CNBD1: variants seen among roughly 807,000 people sequenced by gnomAD.
CNBD1 encodes the protein cyclic nucleotide-binding domain-containing protein 1.
CNBD1 carries 71 observed loss-of-function variants against 54.4 expected under a neutral mutation model. The ratio of observed to expected loss-of-function variants is 1.30; its 90% confidence interval spans 1.08 to 1.59. The LOEUF is 1.59. CNBD1 is among the 40% of genes most tolerant of loss of function. CNBD1 has a pLI of 0.00. For synonymous variants in CNBD1, 182 were observed against 170.7 expected, an observed-to-expected ratio of 1.07 and a Z score of -0.51; for missense variants, 659 against 518.0, an observed-to-expected ratio of 1.27 and a Z score of -2.64.
intron 8 of CNBD1, among the ~76,000 whole-genome samples, chr8:87,332,076 T>TG (rs1487112667): frequency 6.6e-6 from 1 of 152,072 alleles, no homozygotes; most frequent in African/African-American, 2.4e-5. Context: ...GGCTGGGCGT[T>TG]GGGGCTCATA....
intron 1 of CNBD1, among the ~76,000 whole-genome samples, chr8:86,880,349 A>AC (rs1554627314): frequency 1.3e-5 from 2 of 151,918 alleles, no homozygotes; most frequent in East Asian, 1.9e-4. Flanking sequence ...ATAAAAAAAA[A>AC]CGTAATACTA....
chr8:87,266,414 G>A (rs1248029627), intron 6 of CNBD1, among the ~76,000 whole-genome samples: 2 of 124,102 alleles, frequency 1.6e-5, no homozygotes, highest in East Asian at 5.0e-4. Flanking sequence ...CAAAAATGAG[G>A]TCCAAGTAAA....
intron 10 of CNBD1, among the ~76,000 whole-genome samples, chr8:87,380,704 T>C (rs1229455125): frequency 1.3e-5 from 2 of 152,152 alleles, no homozygotes; most frequent in Non-Finnish European, 2.9e-5. Flanking sequence ...TGGTGTTTTG[T>C]AGTTTTCAGT....
At chr8:86,951,742 A>G (rs565131912) in intron 4 of CNBD1, among the ~76,000 whole-genome samples, 14 of 151,722 alleles carry the variant, frequency 9.2e-5, no homozygotes, top group Admixed American at 2.0e-4. Context: ...TTTCCTTGTT[A>G]AGCTAAATTT....
chr8:87,043,854 T>G (rs1810125148), intron 4 of CNBD1, among the ~76,000 whole-genome samples: 1 of 152,228 alleles, frequency 6.6e-6, no homozygotes, highest in Admixed American at 6.5e-5. Flanking sequence ...TTTCATTTCT[T>G]TGCTATTTCA....
intron 5 of CNBD1, among the ~76,000 whole-genome samples, chr8:87,228,303 G>A (rs1174462991): frequency 6.6e-6 from 1 of 151,342 alleles, no homozygotes; most frequent in Non-Finnish European, 1.5e-5. Context: ...TTCCTTTGGA[G>A]GAGGAGAGGC....
At chr8:87,074,873 C>A (rs1378788670) in intron 4 of CNBD1, among the ~76,000 whole-genome samples, 1 of 152,186 alleles carries the variant, frequency 6.6e-6, no homozygotes, top group Non-Finnish European at 1.5e-5. Context: ...TCTAATCAGC[C>A]ATCTTGCAGA....
chr8:87,030,924 TCCTGCCCCCCTTCCC>T (rs1441199691), intron 4 of CNBD1, among the ~76,000 whole-genome samples: 6 of 87,954 alleles, frequency 6.8e-5, no homozygotes, highest in African/African-American at 2.9e-4. Context: ...CCCCCCCTCC[TCCTGCCCCCCTTCCC>T]CCTCCTCCCC....
At chr8:87,195,096 G>A (rs978399090) in intron 4 of CNBD1, among the ~76,000 whole-genome samples, 1 of 151,866 alleles carries the variant, frequency 6.6e-6, no homozygotes, top group Non-Finnish European at 1.5e-5. Context: ...CGTTGGCTGG[G>A]CTGGTTTCGA....
chr8:87,370,627 G>C (rs1213918933), intron 10 of CNBD1, among the ~76,000 whole-genome samples: 3 of 151,750 alleles, frequency 2.0e-5, no homozygotes, highest in Non-Finnish European at 4.4e-5. Context: ...CTGGATATTA[G>C]CCCTTTGTCA....
intron 8 of CNBD1, among the ~76,000 whole-genome samples, chr8:87,292,001 CT>C (rs903928615): frequency 1.3e-5 from 2 of 152,054 alleles, no homozygotes; most frequent in African/African-American, 4.8e-5. Context: ...TGACTTTTTT[CT>C]TCCAAAAGAA....
intron 4 of CNBD1, among the ~76,000 whole-genome samples, chr8:87,133,312 T>A (rs1812159446): frequency 6.6e-6 from 1 of 152,206 alleles, no homozygotes; most frequent in South Asian, 2.1e-4. Flanking sequence ...CTAATAACTT[T>A]GACTTGTATC....
At chr8:87,118,299 A>G (rs1460353153) in intron 4 of CNBD1, among the ~76,000 whole-genome samples, 1 of 123,430 alleles carries the variant, frequency 8.1e-6, no homozygotes, top group Non-Finnish European at 1.6e-5. Flanking sequence ...TGGGCGACAG[A>G]GCGAGACTCT....
intron 4 of CNBD1, among the ~76,000 whole-genome samples, chr8:87,059,862 G>A (rs766701173): frequency 1.4e-4 from 21 of 152,212 alleles, no homozygotes; most frequent in Non-Finnish European, 2.9e-4. Context: ...GATCCAGTGG[G>A]AAACTGGCTC....
chr8:87,045,326 C>G (rs1810158802), intron 4 of CNBD1, among the ~76,000 whole-genome samples: 1 of 152,144 alleles, frequency 6.6e-6, no homozygotes, highest in African/African-American at 2.4e-5. Flanking sequence ...TGGAATCTTT[C>G]AAGAAGGGAT....
intron 3 of CNBD1, among the ~76,000 whole-genome samples, chr8:86,914,430 C>T (rs2131818000): frequency 6.6e-6 from 1 of 152,318 alleles, no homozygotes; most frequent in Admixed American, 6.5e-5. Flanking sequence ...AAGCCATAGG[C>T]TATACCATAT....
At chr8:87,000,310 C>T (rs547640711) in intron 4 of CNBD1, among the ~76,000 whole-genome samples, 3 of 152,244 alleles carry the variant, frequency 2.0e-5, no homozygotes, top group African/African-American at 7.2e-5. Context: ...AGATGTGCCT[C>T]TTCCCCTTCT....
intron 4 of CNBD1, among the ~76,000 whole-genome samples, chr8:86,966,810 A>G (rs1285949826): frequency 1.3e-5 from 2 of 152,186 alleles, no homozygotes; most frequent in African/African-American, 2.4e-5. Flanking sequence ...TGAGAAGAGC[A>G]AAAGAACAAA....
At chr8:87,375,575 A>G (rs1002550298) in intron 10 of CNBD1, among the ~76,000 whole-genome samples, 8 of 151,776 alleles carry the variant, frequency 5.3e-5, no homozygotes, top group African/African-American at 1.7e-4. Flanking sequence ...CACAGATTCT[A>G]TTTTCTTAGG....
Sources: gnomAD v4.1 joint callset for allele counts (sites outside exome capture counted in the v4.1 genomes callset) on GRCh38, gnomAD v4.1.1 for gene constraint, MANE v1.5 for transcripts, NCBI Gene and HGNC (gene_info 2026-07-23, HGNC 2026-07-21) for gene names.